The following KCTD8 variants were observed in gnomAD, a reference collection of about 807,000 sequenced individuals.
The protein encoded by KCTD8 is BTB/POZ domain-containing protein KCTD8.
Under a neutral mutation model 31.5 loss-of-function variants are expected in KCTD8, and 27 were observed. That is an observed-to-expected ratio of 0.86 (90% CI 0.63 to 1.18). The LOEUF is 1.18. Among genes scored for constraint, KCTD8 ranks in the 50% most tolerant of loss-of-function variants. KCTD8 has a pLI of 0.00. For synonymous variants in KCTD8, 290 were observed against 280.0 expected, an observed-to-expected ratio of 1.04 and a Z score of -0.36; for missense variants, 658 against 647.7, an observed-to-expected ratio of 1.02 and a Z score of -0.17.
At chr4:44,388,479 A>G (rs566231574) in intron 1 of KCTD8, among the ~76,000 whole-genome samples, 1 of 152,160 alleles carries the variant, frequency 6.6e-6, no homozygotes, top group African/African-American at 2.4e-5. Context: ...GATAGACTGG[A>G]TAAAGAAAAT....
chr4:44,229,868 T>A (rs965282870), intron 1 of KCTD8, among the ~76,000 whole-genome samples: 1 of 152,128 alleles, frequency 6.6e-6, no homozygotes, highest in Non-Finnish European at 1.5e-5. Flanking sequence ...GGGATACATG[T>A]GCAGAACGTG....
At chr4:44,398,659 T>C (rs1720570637) in intron 1 of KCTD8, among the ~76,000 whole-genome samples, 1 of 152,186 alleles carries the variant, frequency 6.6e-6, no homozygotes, top group Non-Finnish European at 1.5e-5. Context: ...AGACTTCTAG[T>C]ACAAACTCAT....
intron 1 of KCTD8, among the ~76,000 whole-genome samples, chr4:44,431,928 G>A (rs1396925504): frequency 1.3e-5 from 2 of 151,560 alleles, no homozygotes; most frequent in African/African-American, 4.8e-5. Flanking sequence ...TGGAATATAA[G>A]AGCATGGGCT....
intron 1 of KCTD8, among the ~76,000 whole-genome samples, chr4:44,241,485 GTAAT>G (rs1285316481): frequency 6.6e-6 from 1 of 152,182 alleles, no homozygotes; most frequent in Non-Finnish European, 1.5e-5. Flanking sequence ...GTTGAATAGG[GTAAT>G]TAAATAGCTT....
chr4:44,391,441 C>A (rs1176644253), intron 1 of KCTD8, among the ~76,000 whole-genome samples: 2 of 152,046 alleles, frequency 1.3e-5, no homozygotes, highest in Non-Finnish European at 2.9e-5. Context: ...TCTTCCTCCT[C>A]TTCCGCAGCC....
chr4:44,262,818 T>G (rs575921078), intron 1 of KCTD8, among the ~76,000 whole-genome samples: 36 of 152,232 alleles, frequency 2.4e-4, no homozygotes, highest in African/African-American at 8.4e-4. Flanking sequence ...GCCCAGAAAT[T>G]TACTCCCCAT....
intron 1 of KCTD8, among the ~76,000 whole-genome samples, chr4:44,260,143 GA>G (rs141872399): frequency 0.12 from 18,142 of 147,366 alleles, 1,323 homozygotes; most frequent in East Asian, 0.24. Flanking sequence ...ATGCTAAAAT[GA>G]AAAAAAAACA....
At chr4:44,437,611 T>C (rs1171906759) in intron 1 of KCTD8, among the ~76,000 whole-genome samples, 1 of 152,136 alleles carries the variant, frequency 6.6e-6, no homozygotes, top group Non-Finnish European at 1.5e-5. Context: ...GTTTTATTAA[T>C]AGCAATATAC....
intron 1 of KCTD8, among the ~76,000 whole-genome samples, chr4:44,320,428 T>G (rs1424380244): frequency 6.6e-6 from 1 of 152,172 alleles, no homozygotes; most frequent in Non-Finnish European, 1.5e-5. Context: ...AATTAAAATC[T>G]CATTTTAGAT....
chr4:44,366,059 G>T (rs190393448), intron 1 of KCTD8, among the ~76,000 whole-genome samples: 135 of 152,244 alleles, frequency 8.9e-4, no homozygotes, highest in African/African-American at 3.1e-3. Flanking sequence ...TATATCGGTT[G>T]TCTGCATAAA....
intron 1 of KCTD8, among the ~76,000 whole-genome samples, chr4:44,185,960 C>T (rs568717159): frequency 2.8e-4 from 42 of 152,140 alleles, no homozygotes; most frequent in African/African-American, 9.2e-4. Context: ...AGGAAAAGGG[C>T]GGGGTCCCTG....
At position 44,300,694 on chromosome 4, in the gene KCTD8, C is replaced by T. The variant is rs371211314; in HGVS notation, c.962-125444G>A. Among the ~76,000 whole-genome samples the T allele has an allele frequency of 1.2e-3, 177 of 152,006 alleles. 1 individual carries two copies. Among genetic ancestry groups the T allele is most frequent in the African/African-American group, 4.0e-3 (164 of 41,462 alleles). ...ATGCTTATTCAAACTAATCCTACAC[C>T]AGTAGGATTATCAATAAGAACTCTT... On this transcript the variant is annotated intron_variant, in intron 1 of 1. Coordinates refer to ENST00000360029, the MANE Select transcript of KCTD8 (RefSeq NM_198353.3).
At chr4:44,191,153 T>A (rs1188926771) in intron 1 of KCTD8, among the ~76,000 whole-genome samples, 1 of 152,208 alleles carries the variant, frequency 6.6e-6, no homozygotes, top group Non-Finnish European at 1.5e-5. Context: ...CTGCAATCTC[T>A]GAACATAAAT....
chr4:44,323,054 G>A (rs111401206), intron 1 of KCTD8, among the ~76,000 whole-genome samples: 4 of 152,058 alleles, frequency 2.6e-5, no homozygotes, highest in East Asian at 1.9e-4. Context: ...GCTCAGAATC[G>A]CTTTAGGTTT....
intron 1 of KCTD8, among the ~76,000 whole-genome samples, chr4:44,443,549 T>C (rs1421453886): frequency 6.6e-6 from 1 of 152,134 alleles, no homozygotes; most frequent in East Asian, 1.9e-4. Context: ...CCCAGCCCAG[T>C]TCAGTAACAG....
At chr4:44,326,963 A>G (rs1347197417) in intron 1 of KCTD8, among the ~76,000 whole-genome samples, 3 of 151,868 alleles carry the variant, frequency 2.0e-5, no homozygotes, top group Non-Finnish European at 4.4e-5. Context: ...TGTTTTTGAC[A>G]TGCTCCAGTT....
intron 1 of KCTD8, among the ~76,000 whole-genome samples, chr4:44,232,189 C>A (rs1221885152): frequency 6.6e-6 from 1 of 152,010 alleles, no homozygotes; most frequent in Non-Finnish European, 1.5e-5. Flanking sequence ...ATTTCTAGAC[C>A]AAAAGACTCC....
At chr4:44,393,112 G>T (rs1459024165) in intron 1 of KCTD8, among the ~76,000 whole-genome samples, 2 of 151,976 alleles carry the variant, frequency 1.3e-5, no homozygotes, top group Non-Finnish European at 2.9e-5. Flanking sequence ...TAGCAGAGTT[G>T]TACTCCTTGC....
intron 1 of KCTD8, among the ~76,000 whole-genome samples, chr4:44,271,468 A>C (rs1716597463): frequency 6.6e-6 from 1 of 152,064 alleles, no homozygotes; most frequent in South Asian, 2.1e-4. Flanking sequence ...TGAGTGTGTG[A>C]CTGCTGGGGA....
Sources: allele counts gnomAD v4.1 joint callset (sites outside exome capture counted in the v4.1 genomes callset), GRCh38; gene constraint gnomAD v4.1.1; transcripts MANE v1.5; gene names NCBI Gene and HGNC (gene_info 2026-07-23, HGNC 2026-07-21).